Variants in PRIM2 observed in about 807,000 individuals in gnomAD.
The protein encoded by PRIM2 is DNA primase large subunit.
Under a neutral mutation model 67.3 loss-of-function variants are expected in PRIM2, and 39 were observed. That is an observed-to-expected ratio of 0.58 (90% CI 0.45 to 0.76). The LOEUF is 0.76. Ranked by LOEUF, PRIM2 falls within the 30% of genes least tolerant of loss-of-function variation. The probability of loss-of-function intolerance (pLI) is 0.00; values close to 1 mark genes in which losing one functional copy is unlikely to be tolerated. For synonymous variants in PRIM2, 143 were observed against 198.7 expected (o/e 0.72, Z 2.36); for missense variants, 398 against 598.7 (o/e 0.66, Z 3.50).
chr6:57,275,846 G>A, the PRIM2 span, among the ~76,000 whole-genome samples: 17 of 152,196 alleles, frequency 1.1e-4, no homozygotes, highest in East Asian at 1.9e-4. Flanking sequence ...CCCACCAAAC[G>A]GGTAACAGAA....
At chr6:57,485,426 A>C (rs1215360328) in intron 7 of PRIM2, among the ~76,000 whole-genome samples, 22 of 152,234 alleles carry the variant, frequency 1.4e-4, no homozygotes, top group African/African-American at 5.3e-4. Flanking sequence ...TCCATGTAAG[A>C]GTTCTGCCTA....
chr6:57,620,888 G>T (rs1419972589), intron 12 of PRIM2, among the ~76,000 whole-genome samples: 2 of 152,262 alleles, frequency 1.3e-5, no homozygotes, highest in African/African-American at 4.8e-5. Flanking sequence ...GTGGAAAAAG[G>T]CATTTCATGT....
chr6:57,518,883 C>G lies in PRIM2; in HGVS notation c.761+11429C>G, dbSNP rs1454898858. Among the ~76,000 whole-genome samples, 193 of 152,292 alleles carry G rather than the reference C, an allele frequency of 1.3e-3. 5 individuals are homozygous for G. In the East Asian group the frequency reaches 0.015, roughly 12 times the overall value. On this transcript the variant is annotated intron_variant, in intron 8 of 13. Transcript: ENST00000615550. ...TGCTCCCTCTTTTTCTTACCAATGA[C>G]TTATTATCGGGGAACCTGCCCCGAT...
At chr6:57,330,085 T>A (rs1768001304) in intron 5 of PRIM2, among the ~76,000 whole-genome samples, 1 of 152,202 alleles carries the variant, frequency 6.6e-6, no homozygotes, top group Non-Finnish European at 1.5e-5. Flanking sequence ...AATCTGTAGA[T>A]CAGTTTGGGA....
At chr6:57,599,925 T>C (rs1342742526) in intron 10 of PRIM2, among the ~76,000 whole-genome samples, 2 of 152,110 alleles carry the variant, frequency 1.3e-5, no homozygotes, top group Non-Finnish European at 2.9e-5. Flanking sequence ...GTAGCTGAGA[T>C]GACAGGTGCA....
At chr6:57,502,282 A>G (rs1774149152) in intron 7 of PRIM2, among the ~76,000 whole-genome samples, 1 of 152,112 alleles carries the variant, frequency 6.6e-6, no homozygotes, top group African/African-American at 2.4e-5. Context: ...GCCCTCAGGA[A>G]AGACTCATTC....
intron 12 of PRIM2, among the ~76,000 whole-genome samples, chr6:57,607,721 G>A (rs2127493323): frequency 6.6e-6 from 1 of 152,058 alleles, no homozygotes; most frequent in East Asian, 1.9e-4. Flanking sequence ...AGAATTAGTG[G>A]CTTTTTTTTA....
At chr6:57,243,745 G>A in the PRIM2 span, among the ~76,000 whole-genome samples, 1 of 152,314 alleles carries the variant, frequency 6.6e-6, no homozygotes, top group African/African-American at 2.4e-5. Context: ...GAAGTGCTGG[G>A]ATTACAGGTG....
chr6:57,573,762 T>C (rs1775908987), intron 10 of PRIM2, among the ~76,000 whole-genome samples: 1 of 152,204 alleles, frequency 6.6e-6, no homozygotes, highest in Non-Finnish European at 1.5e-5. Context: ...AAAACAAATA[T>C]GGGCAGAAAA....
chr6:57,544,212 G>A (rs1433435097), intron 10 of PRIM2, among the ~76,000 whole-genome samples: 1 of 152,054 alleles, frequency 6.6e-6, no homozygotes, highest in South Asian at 2.1e-4. Context: ...GTTTCTGTGT[G>A]GGGGAGAAGT....
intron 7 of PRIM2, among the ~76,000 whole-genome samples, chr6:57,488,957 C>A (rs2127408825): frequency 6.6e-6 from 1 of 152,294 alleles, no homozygotes; most frequent in African/African-American, 2.4e-5. Flanking sequence ...AAGAAATAAA[C>A]CTCCAGCCCA....
the PRIM2 span, among the ~76,000 whole-genome samples, chr6:57,246,463 A>G: frequency 6.6e-6 from 1 of 152,176 alleles, no homozygotes; most frequent in Admixed American, 6.5e-5. Context: ...GCTCCTCTCC[A>G]ATCTCCAGGA....
intron 10 of PRIM2, among the ~76,000 whole-genome samples, chr6:57,558,832 G>A (rs1197415976): frequency 2.8e-4 from 43 of 152,116 alleles, no homozygotes; most frequent in African/African-American, 9.4e-4. Flanking sequence ...AGTCATTAAC[G>A]AGATACATTT....
chr6:57,378,377 A>T (rs1475720536), intron 5 of PRIM2, among the ~76,000 whole-genome samples: 5 of 151,114 alleles, frequency 3.3e-5, no homozygotes, highest in African/African-American at 1.2e-4. Context: ...TTTGCTTTTA[A>T]AAAAAAAATC....
At chr6:57,266,390 T>C in the PRIM2 span, among the ~76,000 whole-genome samples, 2 of 152,198 alleles carry the variant, frequency 1.3e-5, no homozygotes, top group African/African-American at 4.8e-5. Context: ...AGAATTCATT[T>C]TACTGAAATG....
the PRIM2 span, among the ~76,000 whole-genome samples, chr6:57,240,743 T>C: frequency 6.6e-6 from 1 of 152,106 alleles, no homozygotes; most frequent in Non-Finnish European, 1.5e-5. Flanking sequence ...GACTTACATT[T>C]CTAGAATACA....
At chr6:57,403,350 G>A (rs1436659009) in intron 7 of PRIM2, among the ~76,000 whole-genome samples, 4 of 148,746 alleles carry the variant, frequency 2.7e-5, no homozygotes, top group South Asian at 2.1e-4. Context: ...TCTGCCTCCC[G>A]GGTTCACACC....
At chr6:57,489,482 G>T (rs1470193195) in intron 7 of PRIM2, among the ~76,000 whole-genome samples, 2 of 152,272 alleles carry the variant, frequency 1.3e-5, no homozygotes, top group Non-Finnish European at 2.9e-5. Context: ...GCGTGAACCC[G>T]GGAGGCGGAG....
chr6:57,240,091 GTTTTTTTTTTT>G, the PRIM2 span, among the ~76,000 whole-genome samples: 15 of 90,016 alleles, frequency 1.7e-4, no homozygotes, highest in African/African-American at 6.2e-4. Flanking sequence ...TCAATAATCT[GTTTTTTTTTTT>G]TTTTTTTTTT....
Sources: allele counts gnomAD v4.1 joint callset (sites outside exome capture counted in the v4.1 genomes callset), GRCh38; gene constraint gnomAD v4.1.1; transcripts MANE v1.5; gene names NCBI Gene and HGNC (gene_info 2026-07-23, HGNC 2026-07-21).